CNTNAP2: variants seen among roughly 807,000 people sequenced by gnomAD.
CNTNAP2 encodes contactin associated protein 2, also known as contactin-associated protein-like 2.
In CNTNAP2, 98 loss-of-function variants were observed where a neutral mutation model predicts 155.2. The observed-to-expected ratio is 0.63, with a 90% CI of 0.54 to 0.75. CNTNAP2 has a LOEUF of 0.75. CNTNAP2 is among the 30% of genes least tolerant of loss of function. The probability of loss-of-function intolerance (pLI) is 0.00; values close to 1 mark genes in which losing one functional copy is unlikely to be tolerated. For synonymous variants in CNTNAP2, 651 were observed against 631.2 expected, an observed-to-expected ratio of 1.03 and a Z score of -0.47; for missense variants, 1,727 against 1,688.1, an observed-to-expected ratio of 1.02 and a Z score of -0.40.
intron 2 of CNTNAP2, among the ~76,000 whole-genome samples, chr7:146,788,835 G>C (rs1355070012): frequency 6.6e-6 from 1 of 151,818 alleles, no homozygotes; most frequent in Non-Finnish European, 1.5e-5. Context: ...TTTTTGTTTT[G>C]TTTTGTTTTG....
intron 9 of CNTNAP2, among the ~76,000 whole-genome samples, chr7:147,305,771 A>G (rs1795015413): frequency 6.6e-6 from 1 of 152,278 alleles, no homozygotes; most frequent in South Asian, 2.1e-4. Context: ...CGGTGGCTTA[A>G]AACAACATAG....
chr7:146,366,092 G>A (rs1441823406), intron 1 of CNTNAP2, among the ~76,000 whole-genome samples: 5 of 151,934 alleles, frequency 3.3e-5, no homozygotes, highest in African/African-American at 1.2e-4. Flanking sequence ...ATGTATATAT[G>A]GATATAGATA....
chr7:146,497,048 C>T (rs1484467723), intron 1 of CNTNAP2, among the ~76,000 whole-genome samples: 2 of 152,138 alleles, frequency 1.3e-5, no homozygotes, highest in African/African-American at 4.8e-5. Flanking sequence ...TTCTTAATGA[C>T]CCTGTTTTAT....
chr7:146,729,088 C>G (rs1196667903), intron 1 of CNTNAP2, among the ~76,000 whole-genome samples: 2 of 152,140 alleles, frequency 1.3e-5, no homozygotes, highest in Non-Finnish European at 2.9e-5. Context: ...CCACGCGGAG[C>G]TCAGTTGAAG....
intron 3 of CNTNAP2, among the ~76,000 whole-genome samples, chr7:146,970,864 T>C (rs1354410921): frequency 6.6e-6 from 1 of 152,036 alleles, no homozygotes; most frequent in Non-Finnish European, 1.5e-5. Flanking sequence ...ATATACACCA[T>C]GGAATACTAT....
intron 3 of CNTNAP2, among the ~76,000 whole-genome samples, chr7:146,867,582 T>C (rs935643185): frequency 6.6e-6 from 1 of 152,122 alleles, no homozygotes; most frequent in Non-Finnish European, 1.5e-5. Context: ...TTTTAGCTCT[T>C]TGAGGAATCA....
chr7:147,825,163 CTTG>C (rs1443833744), intron 13 of CNTNAP2, among the ~76,000 whole-genome samples: 1 of 152,078 alleles, frequency 6.6e-6, no homozygotes, highest in African/African-American at 2.4e-5. Flanking sequence ...AAAAATAATT[CTTG>C]TTTCAATTTT....
intron 20 of CNTNAP2, among the ~76,000 whole-genome samples, chr7:148,250,825 A>G (rs1440104770): frequency 6.6e-6 from 1 of 152,110 alleles, no homozygotes; most frequent in African/African-American, 2.4e-5. Context: ...GTTCAAATCT[A>G]TTCATATTTT....
intron 21 of CNTNAP2, among the ~76,000 whole-genome samples, chr7:148,320,448 A>G (rs1346772387): frequency 3.0e-5 from 4 of 132,772 alleles, no homozygotes; most frequent in Non-Finnish European, 6.1e-5. Flanking sequence ...CAGTGGCTCA[A>G]TCTCCACTCA....
At chr7:146,849,855 A>T (rs1309592035) in intron 3 of CNTNAP2, among the ~76,000 whole-genome samples, 1 of 152,308 alleles carries the variant, frequency 6.6e-6, no homozygotes, top group African/African-American at 2.4e-5. Context: ...CTTGAGAATA[A>T]TATATTTTAA....
At position 147,842,587 on chromosome 7, in the gene CNTNAP2, C is replaced by CT. The variant is rs3055146; in HGVS notation, c.2099-60961dup. Among the ~76,000 whole-genome samples the CT allele has an allele frequency of 5.2e-3, 443 of 84,386 alleles. 16 individuals carry two copies. Among genetic ancestry groups the CT allele is most frequent in the Admixed American group, 0.039 (270 of 6,856 alleles). The allele number at this position is 84,386 out of a possible 152,430, so 55.4% of individuals were successfully genotyped here. A position where few individuals can be genotyped will look rare whatever the true frequency, so the allele number is the denominator to read the frequency against. On this transcript the variant is annotated intron_variant, in intron 13 of 23. Transcript: ENST00000361727. ...TTTTTTTTTTTTACTTTTTACTTTT[C>CT]TTTTTTTTTTTTTTTTTATTATACT...
At chr7:146,175,119 C>A (rs568561628) in intron 1 of CNTNAP2, among the ~76,000 whole-genome samples, 1 of 152,028 alleles carries the variant, frequency 6.6e-6, no homozygotes, top group Admixed American at 6.6e-5. Flanking sequence ...TGGAGAGTAT[C>A]CAGATTGTTA....
intron 8 of CNTNAP2, among the ~76,000 whole-genome samples, chr7:147,238,233 T>C (rs1319398961): frequency 6.6e-6 from 1 of 152,138 alleles, no homozygotes; most frequent in Admixed American, 6.5e-5. Flanking sequence ...GCCAGGATGG[T>C]CTCCATCTCC....
chr7:146,803,772 T>C (rs1343902402), intron 2 of CNTNAP2, among the ~76,000 whole-genome samples: 1 of 152,218 alleles, frequency 6.6e-6, no homozygotes, highest in Non-Finnish European at 1.5e-5. Context: ...AATATTCAGA[T>C]GTGTGTTAAA....
At chr7:148,114,581 C>A (rs910003534) in intron 15 of CNTNAP2, among the ~76,000 whole-genome samples, 2 of 152,118 alleles carry the variant, frequency 1.3e-5, no homozygotes, top group Non-Finnish European at 2.9e-5. Flanking sequence ...GGAAAAGGCA[C>A]GCATATAATC....
At position 148,024,173 on chromosome 7, in the gene CNTNAP2, A is replaced by AAAAAAAAAAACC. The variant is rs796940228; in HGVS notation, c.2383+46190_2383+46191insAAAACCAAAAAA. 1.7e-3 allele frequency among the ~76,000 whole-genome samples: 247 copies of AAAAAAAAAAACC among 147,934 alleles called. 5 individuals carry two copies. The highest frequency in any genetic ancestry group is 0.013 in the Admixed American group (191 of 14,470). On this transcript the variant is annotated intron_variant, in intron 15 of 23. Coordinates refer to ENST00000361727, the MANE Select transcript of CNTNAP2 (RefSeq NM_014141.6). ...TTTAAAGTGTAAAAAAAAAAAAAAAAAAAAAACTTTATAACATCCTGAGAA... is the reference window on the plus strand; with the variant it reads ...TTTAAAGTGTAAAAAAAAAAAAAAAAAAAAAAAAAACCAAAAAACTTTATAACATCCTGAGAA...
At chr7:146,616,518 A>T (rs192860216) in intron 1 of CNTNAP2, among the ~76,000 whole-genome samples, 42 of 152,158 alleles carry the variant, frequency 2.8e-4, no homozygotes, top group Non-Finnish European at 4.3e-4. Context: ...CCCAGCTTCA[A>T]TGAAGTTGTT....
chr7:148,073,565 AGTGC>A, intron 15 of CNTNAP2, among the ~76,000 whole-genome samples: 1 of 152,328 alleles, frequency 6.6e-6, no homozygotes, highest in Middle Eastern at 3.4e-3. Flanking sequence ...GAGGTATTGC[AGTGC>A]TTCCATTCAA....
intron 20 of CNTNAP2, among the ~76,000 whole-genome samples, chr7:148,247,406 T>C (rs764484031): frequency 1.3e-5 from 2 of 152,128 alleles, no homozygotes; most frequent in African/African-American, 2.4e-5. Flanking sequence ...CTCCAGGGCA[T>C]TGCTGAGCAG....
Sources: gnomAD v4.1 joint callset for allele counts (sites outside exome capture counted in the v4.1 genomes callset) on GRCh38, gnomAD v4.1.1 for gene constraint, MANE v1.5 for transcripts, NCBI Gene and HGNC (gene_info 2026-07-23, HGNC 2026-07-21) for gene names.